Variants in ZC3H11A observed in about 807,000 individuals in gnomAD.
ZC3H11A encodes zinc finger CCCH-type containing 11A.
ZC3H11A carries 22 observed loss-of-function variants against 90.8 expected under a neutral mutation model. That is an observed-to-expected ratio of 0.24 (90% CI 0.17 to 0.35). The LOEUF (loss-of-function observed/expected upper bound fraction) is 0.35, where lower values mean the gene tolerates loss of function less well. ZC3H11A is among the 10% of genes least tolerant of loss of function. ZC3H11A has a pLI of 1.00. For missense variants in ZC3H11A, 701 were observed against 964.9 expected (o/e 0.73, Z 3.62); for synonymous variants, 294 against 339.8 (o/e 0.87, Z 1.48).
intron 1 of ZC3H11A, chr1:203,799,089 G>A: frequency 5.2e-6 from 8 of 1,536,036 alleles, no homozygotes; most frequent in Non-Finnish European, 7.0e-6. Context: ...TAGAAAGTGG[G>A]CAGTGCTTTG....
chr1:203,843,874 T>C (rs544142067), intron 12 of ZC3H11A, among the ~76,000 whole-genome samples: 1 of 152,308 alleles, frequency 6.6e-6, no homozygotes, highest in Non-Finnish European at 1.5e-5. Flanking sequence ...TCTTTTTTTT[T>C]GAGATGGAGT....
intron 2 of ZC3H11A, among the ~76,000 whole-genome samples, chr1:203,814,590 C>T (rs1049971635): frequency 6.6e-6 from 1 of 152,138 alleles, no homozygotes; most frequent in Non-Finnish European, 1.5e-5. Context: ...CTGACTGAAA[C>T]CTCACCATAA....
chr1:203,848,245 T>C (rs1042440168), intron 13 of ZC3H11A, 86 bp from the exon 14 acceptor site: 3 of 1,122,460 alleles, frequency 2.7e-6, no homozygotes, highest in Non-Finnish European at 3.9e-6. Context: ...CTTACTACTT[T>C]CATTAAATAA....
At chr1:203,848,899 C>T (rs921466284) in intron 14 of ZC3H11A, among the ~76,000 whole-genome samples, 3 of 148,896 alleles carry the variant, frequency 2.0e-5, no homozygotes, top group South Asian at 2.2e-4. Context: ...TGGATTTCTT[C>T]GAGCTTTTTC....
At chr1:203,849,140 C>G (rs1270477797) in intron 14 of ZC3H11A, among the ~76,000 whole-genome samples, 1 of 152,222 alleles carries the variant, frequency 6.6e-6, no homozygotes, top group Non-Finnish European at 1.5e-5. Flanking sequence ...CTGCCTTGGC[C>G]TCCCAACGTG....
intron 15 of ZC3H11A, 176 bp from the exon 16 acceptor site, chr1:203,850,339 C>T: frequency 1.1e-6 from 1 of 894,056 alleles, no homozygotes. Flanking sequence ...ATGGTGACCA[C>T]CTGTAGTGAC....
chr1:203,845,329 G>A (rs1687597484), intron 12 of ZC3H11A, among the ~76,000 whole-genome samples: 1 of 152,126 alleles, frequency 6.6e-6, no homozygotes, highest in Admixed American at 6.5e-5. Flanking sequence ...CTTTCTTGGA[G>A]TGGTAATTTT....
intron 2 of ZC3H11A, among the ~76,000 whole-genome samples, chr1:203,815,160 G>C (rs1572038171): frequency 6.9e-6 from 1 of 144,632 alleles, no homozygotes; most frequent in African/African-American, 2.6e-5. Context: ...ATAGTCTCCA[G>C]TTTTTGAACA....
intron 8 of ZC3H11A, among the ~76,000 whole-genome samples, chr1:203,830,925 ATTTTTTTTTTTTT>A (rs774771270): frequency 8.6e-4 from 44 of 51,380 alleles, no homozygotes; most frequent in Non-Finnish European, 1.3e-3. Flanking sequence ...CCAACCCCCA[ATTTTTTTTTTTTT>A]TTTTTTTTTT....
intron 1 of ZC3H11A, chr1:203,797,703 AAAAAG>A: frequency 2.0e-6 from 3 of 1,535,038 alleles, no homozygotes; most frequent in Non-Finnish European, 2.6e-6. Context: ...ACAGCCTGCT[AAAAAG>A]AAAAGAAAGA....
At chr1:203,832,773 C>T (rs1398481368) in intron 9 of ZC3H11A, among the ~76,000 whole-genome samples, 1 of 152,222 alleles carries the variant, frequency 6.6e-6, no homozygotes, top group Non-Finnish European at 1.5e-5. Flanking sequence ...AAAGAGAGCT[C>T]ACTTCTTCCT....
intron 1 of ZC3H11A, chr1:203,798,997 C>T (rs1478902356): frequency 6.5e-7 from 1 of 1,536,138 alleles, no homozygotes; most frequent in Non-Finnish European, 8.7e-7. Flanking sequence ...CATGACCCAT[C>T]CACTGACTAT....
At chr1:203,798,617 C>T (rs537020297) in intron 1 of ZC3H11A, 10 of 1,536,100 alleles carry the variant, frequency 6.5e-6, no homozygotes, top group African/African-American at 4.1e-5. Flanking sequence ...ACCTTAGTGA[C>T]TCTGATTCAG....
chr1:203,845,231 G>A (rs1030702616), intron 12 of ZC3H11A, among the ~76,000 whole-genome samples: 1 of 152,050 alleles, frequency 6.6e-6, no homozygotes, highest in African/African-American at 2.4e-5. Flanking sequence ...TGCTGGTGTG[G>A]ATTTATTTTA....
At chr1:203,818,436 G>T (rs1430793356) in intron 3 of ZC3H11A, 134 bp from the exon 4 acceptor site, 2 of 1,169,734 alleles carry the variant, frequency 1.7e-6, no homozygotes, top group East Asian at 5.0e-5. Context: ...GTCATTCCAT[G>T]TCCATTGTTT....
chr1:203,836,537 C>T (rs535107184), intron 10 of ZC3H11A, among the ~76,000 whole-genome samples: 1 of 152,314 alleles, frequency 6.6e-6, no homozygotes, highest in East Asian at 1.9e-4. Context: ...ATCACAAGGT[C>T]AGGAGTTCGA....
Position 203,830,201 on chromosome 1 carries a change from G to C in ZC3H11A, c.698G>C (p.Gly233Ala), listed in dbSNP as rs778339711. ...ATGAAGGAAAAATCTAAGAAGCAAG[G>C]TGGTAAGTCATCACGTTTTGGCATG... ...KKMKEKSKKQ[G>A]EGSSGVSSLL... Residue 233 changes from glycine (G) to alanine (A), a missense_variant and splice_region_variant, in exon 8 of 18, where the codon GGT (glycine) becomes GCT (alanine). Coordinates refer to ENST00000367210, the MANE Select transcript of ZC3H11A (RefSeq NM_001376342.1). 1 of 1,597,532 alleles carries C rather than the reference G, an allele frequency of 6.3e-7. No homozygotes were observed. Among genetic ancestry groups the C allele is most frequent in the Non-Finnish European group, 8.5e-7 (1 of 1,175,086 alleles).
At chr1:203,798,030 T>C in intron 1 of ZC3H11A, 1 of 1,534,366 alleles carries the variant, frequency 6.5e-7, no homozygotes, top group South Asian at 1.2e-5. Flanking sequence ...TCTTGGTACA[T>C]CTACTCTTCA....
At position 203,852,303 on chromosome 1, in the gene ZC3H11A, G is replaced by A; in HGVS notation, c.2337G>A (p.Glu779=). 2 of 1,613,728 alleles carry A rather than the reference G, an allele frequency of 1.2e-6. No individual in the cohort carries two copies. Among genetic ancestry groups the A allele is most frequent in the Non-Finnish European group, 1.7e-6 (2 of 1,179,846 alleles). The part of the protein sequence containing the change: ...VEDDFEKLIW[E]ISGGKLEAEI... ...ATGATTTTGAGAAACTAATATGGGA[G>A]ATTTCAGGAGGCAAATTGGAAGCTG... The change falls in exon 18 of 18, where the codon GAG becomes GAA. Residue 779 remains glutamate (E), a synonymous_variant. Coordinates refer to ENST00000367210, the MANE Select transcript of ZC3H11A (RefSeq NM_001376342.1).
Sources: gnomAD v4.1 joint callset for allele counts (sites outside exome capture counted in the v4.1 genomes callset) on GRCh38, gnomAD v4.1.1 for gene constraint, MANE v1.5 for transcripts, NCBI Gene and HGNC (gene_info 2026-07-23, HGNC 2026-07-21) for gene names.